The following DLG5 variants were observed in gnomAD, a reference collection of about 807,000 sequenced individuals.
DLG5 encodes the protein discs large MAGUK scaffold protein 5, also known as disks large homolog 5.
DLG5 carries 48 observed loss-of-function variants against 189.8 expected under a neutral mutation model. That is an observed-to-expected ratio of 0.25 (90% CI 0.20 to 0.32). The LOEUF is 0.32. Among genes scored for constraint, DLG5 ranks in the 10% least tolerant of loss-of-function variants. The pLI is 1.00. For missense variants in DLG5, 2,160 were observed against 2,544.7 expected (o/e 0.85, Z 3.25); for synonymous variants, 1,016 against 1,054.1 (o/e 0.96, Z 0.70).
chr10:77,838,420 C>T (rs908857763), intron 7 of DLG5, among the ~76,000 whole-genome samples: 4 of 152,226 alleles, frequency 2.6e-5, no homozygotes, highest in African/African-American at 9.6e-5. Context: ...GGCAGGAGGG[C>T]GGCCTTAGGG....
At chr10:77,811,512 C>A (rs1426439718) in intron 22 of DLG5, among the ~76,000 whole-genome samples, 1 of 152,160 alleles carries the variant, frequency 6.6e-6, no homozygotes, top group Non-Finnish European at 1.5e-5. Context: ...TGCATCCCAT[C>A]TCTCCTGCTG....
At chr10:77,867,161 T>C in intron 2 of DLG5, 1 of 442,310 alleles carries the variant, frequency 2.3e-6, no homozygotes, top group South Asian at 1.6e-5. Context: ...TTCCAGAATA[T>C]GCTGGGGTCC....
chr10:77,827,502 G>A (rs371304774), intron 13 of DLG5, among the ~76,000 whole-genome samples: 4 of 152,088 alleles, frequency 2.6e-5, no homozygotes, highest in African/African-American at 4.8e-5. Context: ...CCATGATTAC[G>A]GGCGTGAGCC....
intron 16 of DLG5, 178 bp downstream of exon 16, chr10:77,819,717 A>G: frequency 1.7e-6 from 2 of 1,154,612 alleles, no homozygotes; most frequent in South Asian, 3.0e-5. Flanking sequence ...TGACAAGCTA[A>G]GACATGTCAT....
chr10:77,858,686 A>G (rs1844349372), intron 2 of DLG5, among the ~76,000 whole-genome samples: 1 of 152,184 alleles, frequency 6.6e-6, no homozygotes, highest in South Asian at 2.1e-4. Context: ...AATTCCTGTC[A>G]CCTAATGACG....
At chr10:77,841,589 C>G (rs565809196) in intron 7 of DLG5, among the ~76,000 whole-genome samples, 3 of 152,202 alleles carry the variant, frequency 2.0e-5, no homozygotes, top group African/African-American at 7.2e-5. Context: ...TGGGACTGAT[C>G]TGCAATTACG....
intron 1 of DLG5, among the ~76,000 whole-genome samples, chr10:77,906,031 C>A (rs1039081874): frequency 2.6e-5 from 4 of 152,190 alleles, no homozygotes; most frequent in African/African-American, 9.7e-5. Flanking sequence ...AGACTCATAC[C>A]CACCCATTAT....
chr10:77,852,480 A>G (rs756280680), intron 5 of DLG5, among the ~76,000 whole-genome samples: 4 of 151,986 alleles, frequency 2.6e-5, no homozygotes, highest in African/African-American at 4.8e-5. Context: ...CAGTGGCGCA[A>G]TCTTGGCTCA....
upstream of DLG5, among the ~76,000 whole-genome samples, chr10:77,930,704 C>T (rs907942963): frequency 6.6e-6 from 1 of 151,424 alleles, no homozygotes; most frequent in African/African-American, 2.4e-5. Flanking sequence ...GTCACCCAGG[C>T]TGGAATGCAG....
At chr10:77,848,740 A>G (rs977665412) in intron 5 of DLG5, among the ~76,000 whole-genome samples, 6 of 151,992 alleles carry the variant, frequency 3.9e-5, no homozygotes, top group African/African-American at 1.4e-4. Context: ...GGGAATAAAA[A>G]TTAAACTATA....
chr10:77,808,081 C>T (rs973116314), intron 24 of DLG5, 137 bp from the exon 25 acceptor site: 3 of 1,070,750 alleles, frequency 2.8e-6, no homozygotes, highest in East Asian at 5.2e-5. Context: ...CTCCCCTCTG[C>T]AGGAAGGACT....
chr10:77,873,130 T>C (rs1042615814), intron 1 of DLG5, among the ~76,000 whole-genome samples: 3 of 151,864 alleles, frequency 2.0e-5, no homozygotes, highest in Admixed American at 6.6e-5. Context: ...CAGAGAAAGT[T>C]GGATGATGTG....
chr10:77,922,987 C>T (rs1846580781), intron 1 of DLG5, among the ~76,000 whole-genome samples: 1 of 152,200 alleles, frequency 6.6e-6, no homozygotes, highest in South Asian at 2.1e-4. Flanking sequence ...AGTTCCAGGC[C>T]CCACGTGGTA....
At chr10:77,846,075 T>C (rs562445305) in intron 5 of DLG5, among the ~76,000 whole-genome samples, 53 of 152,028 alleles carry the variant, frequency 3.5e-4, no homozygotes, top group African/African-American at 1.2e-3. Flanking sequence ...TGAAACCTTG[T>C]CTCTACTAAA....
chr10:77,846,663 C>G (rs1333072153), intron 5 of DLG5: 1 of 455,950 alleles, frequency 2.2e-6, no homozygotes, highest in African/African-American at 2.0e-5. Context: ...TGCCACTGCA[C>G]CCCAGCCTTG....
At chr10:77,903,262 T>C (rs985912481) in intron 1 of DLG5, among the ~76,000 whole-genome samples, 4 of 152,028 alleles carry the variant, frequency 2.6e-5, no homozygotes, top group Admixed American at 6.6e-5. Context: ...CCCCCGTCTC[T>C]ACTAAAAATA....
rs1386276558 is a variant in DLG5 at position 77,806,923 on chromosome 10, A to G, written c.4802T>C (p.Leu1601Pro). The G allele has an allele frequency of 1.9e-6, 3 of 1,613,136 alleles. No homozygotes were observed. Residue 1601 changes from leucine to proline, a missense_variant, in exon 26 of 32, where the codon CTG becomes CCG. Physicochemically the swap from Leu to Pro is moderately conservative, Grantham distance 98 (BLOSUM62 -3). Transcript: ENST00000372391. ...CTCCACATCTGCCAGCCGGTCGTAC[A>G]GGGCCCTGGACCACAGCACAGAAGG... ...LPGDSFYIRALYDRLADVEQE... is the reference protein window; with the variant it reads ...LPGDSFYIRAPYDRLADVEQE...
chr10:77,919,088 C>A (rs1295617223), intron 1 of DLG5, among the ~76,000 whole-genome samples: 1 of 152,030 alleles, frequency 6.6e-6, no homozygotes, highest in African/African-American at 2.4e-5. Flanking sequence ...TGATGGCACA[C>A]ACCTGTAATC....
chr10:77,818,092 G>A (rs1842153500), intron 17 of DLG5, among the ~76,000 whole-genome samples: 1 of 152,144 alleles, frequency 6.6e-6, no homozygotes, highest in African/African-American at 2.4e-5. Flanking sequence ...GAAGTAGAAA[G>A]GGCCACACAC....
Sources: gnomAD v4.1 joint callset for allele counts (sites outside exome capture counted in the v4.1 genomes callset) on GRCh38, gnomAD v4.1.1 for gene constraint, MANE v1.5 for transcripts, NCBI Gene and HGNC (gene_info 2026-07-23, HGNC 2026-07-21) for gene names.